Variants in DAAM2 observed in about 807,000 individuals in gnomAD.
DAAM2 encodes disheveled-associated activator of morphogenesis 2.
In DAAM2, 39 loss-of-function variants were observed where a neutral mutation model predicts 120.7. The ratio of observed to expected loss-of-function variants is 0.32; its 90% confidence interval spans 0.25 to 0.42. The LOEUF (loss-of-function observed/expected upper bound fraction) is 0.42, where lower values mean the gene tolerates loss of function less well. Ranked by LOEUF, DAAM2 falls within the 10% of genes least tolerant of loss-of-function variation. The pLI, the probability that DAAM2 is intolerant of heterozygous loss-of-function variation, is 1.00. For missense variants in DAAM2, 1,283 were observed against 1,401.7 expected, an observed-to-expected ratio of 0.92 and a Z score of 1.35; for synonymous variants, 488 against 524.9, an observed-to-expected ratio of 0.93 and a Z score of 0.96.
intron 1 of DAAM2, among the ~76,000 whole-genome samples, chr6:39,838,058 T>C (rs1319297185): frequency 6.6e-6 from 1 of 152,140 alleles, no homozygotes; most frequent in East Asian, 1.9e-4. Flanking sequence ...ATGCTTCTGG[T>C]AGGGATTTGC....
At chr6:39,847,410 G>A (rs899779762) in intron 1 of DAAM2, among the ~76,000 whole-genome samples, 1 of 152,184 alleles carries the variant, frequency 6.6e-6, no homozygotes, top group African/African-American at 2.4e-5. Context: ...GTGTGAGCCG[G>A]AGGAGGGGCT....
rs1186929043 is a variant in DAAM2, at chr6:39,809,760, G to C, written c.-57+17295G>C. ...TTCCATGGTATACCCCACAGAACGA[G>C]TGTTTTGAGGTTTGTATCAGAATTT... On this transcript the variant is annotated intron_variant, in intron 1 of 24. Transcript: ENST00000274867. Among the ~76,000 whole-genome samples, 3 of 152,204 alleles carry C rather than the reference G, an allele frequency of 2.0e-5. No homozygotes were observed. In the East Asian group the frequency reaches 5.8e-4, roughly 29 times the overall value.
At chr6:39,874,486 G>A (rs1764789924) in intron 10 of DAAM2, among the ~76,000 whole-genome samples, 1 of 152,164 alleles carries the variant, frequency 6.6e-6, no homozygotes, top group Admixed American at 6.5e-5. Context: ...TGCTCCCAGG[G>A]ATTCCTGTGT....
intron 2 of DAAM2, among the ~76,000 whole-genome samples, chr6:39,858,740 C>T (rs1764102268): frequency 6.6e-6 from 1 of 152,060 alleles, no homozygotes; most frequent in Admixed American, 6.6e-5. Context: ...CAGTGGGGCC[C>T]TAGGGTCTGG....
At chr6:39,799,896 A>G (rs750495901) in intron 1 of DAAM2, among the ~76,000 whole-genome samples, 6 of 152,182 alleles carry the variant, frequency 3.9e-5, no homozygotes, top group Non-Finnish European at 8.8e-5. Context: ...ACAAATACCT[A>G]CTGGTGTGTA....
In DAAM2 at chr6:39,900,139, C is replaced by T. The variant is rs199848168; in HGVS notation, c.2742C>T (p.Ser914=). The change falls in exon 23 of 25, where the codon AGC becomes AGT. Residue 914 remains serine, a synonymous_variant. Coordinates refer to ENST00000274867, the MANE Select transcript of DAAM2 (RefSeq NM_001201427.2). ...EPSDKFVPVM[S]DFITVSSFSF... is the part of the protein sequence containing the mutation. ...GTGACAAGTTTGTCCCTGTCATGAG[C>T]GACTTCATCACGGTGTCCAGCTTCA... 1.5e-4 allele frequency: 247 copies of T among 1,603,130 alleles called. 2 individuals are homozygous for T. In the South Asian group the frequency reaches 2.2e-3, roughly 14 times the overall value.
rs921773375 is a variant in DAAM2 at position 39,871,632 on chromosome 6, C to T, written c.1044+60C>T. ...GGTAGTAGGGTTCTTGGTGGCCCCA[C>T]AGCCACTTTTCTAGACCCCGTGTTG... On this transcript the variant is annotated intron_variant, in intron 9 of 24. Coordinates refer to ENST00000274867, the MANE Select transcript of DAAM2 (RefSeq NM_001201427.2). 6.1e-6 allele frequency: 9 copies of T among 1,472,410 alleles called. No individual in the cohort carries two copies. The African/African-American group carries it at 9.8e-5, about 16-fold the overall frequency. 91.2% of individuals were successfully genotyped at this position (1,472,410 alleles called of 1,614,324 possible).
At chr6:39,900,719 G>A (rs1458387592) in intron 23 of DAAM2, among the ~76,000 whole-genome samples, 2 of 145,616 alleles carry the variant, frequency 1.4e-5, no homozygotes, top group Admixed American at 6.9e-5. Flanking sequence ...AACAGGAGGT[G>A]AATCTGCTGC....
At chr6:39,807,973 T>C (rs777815544) in intron 1 of DAAM2, among the ~76,000 whole-genome samples, 1 of 152,166 alleles carries the variant, frequency 6.6e-6, no homozygotes. Flanking sequence ...TCCTATTGGC[T>C]GTAGGTCCAT....
At chr6:39,880,814 G>T (rs1415652571) in intron 14 of DAAM2, among the ~76,000 whole-genome samples, 1 of 152,182 alleles carries the variant, frequency 6.6e-6, no homozygotes, top group Non-Finnish European at 1.5e-5. Context: ...CCACCTGTTA[G>T]CAGCATTCAA....
chr6:39,867,465 A>T (rs1764477091), intron 5 of DAAM2, 45 bp from the exon 6 acceptor site: 1 of 1,585,538 alleles, frequency 6.3e-7, no homozygotes, highest in Non-Finnish European at 8.6e-7. Context: ...AAGTGTACAC[A>T]GAATCATATG....
chr6:39,846,078 GA>G (rs1454534142), intron 1 of DAAM2, among the ~76,000 whole-genome samples: 1 of 152,096 alleles, frequency 6.6e-6, no homozygotes, highest in Admixed American at 6.5e-5. Context: ...AGGCGTTTTA[GA>G]AAAAGGTGCT....
intron 1 of DAAM2, among the ~76,000 whole-genome samples, chr6:39,817,101 G>A (rs796299132): frequency 2.0e-4 from 30 of 152,298 alleles, no homozygotes; most frequent in African/African-American, 6.7e-4. Context: ...CACCTTTGAT[G>A]CACTTACACA....
chr6:39,890,121 C>A (rs1765615449), intron 17 of DAAM2, among the ~76,000 whole-genome samples: 1 of 120,942 alleles, frequency 8.3e-6, no homozygotes, highest in South Asian at 3.0e-4. Flanking sequence ...GAGTGAGACT[C>A]CATCAAAAAA....
intron 1 of DAAM2, chr6:39,823,228 G>T (rs962814640): frequency 1.3e-5 from 2 of 152,166 alleles, no homozygotes; most frequent in African/African-American, 4.8e-5. Flanking sequence ...ATTAAGAAAG[G>T]CTACATCGAC....
intron 4 of DAAM2, 135 bp downstream of exon 4, chr6:39,864,642 G>T (rs1330047100): frequency 4.3e-6 from 3 of 699,168 alleles, no homozygotes; most frequent in Non-Finnish European, 7.1e-6. Flanking sequence ...ACTCACTGGA[G>T]TTCAGCAGCT....
chr6:39,872,779 C>A (rs1166030961), intron 9 of DAAM2, among the ~76,000 whole-genome samples: 3 of 152,056 alleles, frequency 2.0e-5, no homozygotes, highest in Non-Finnish European at 2.9e-5. Flanking sequence ...GGTGGTGGAC[C>A]TGCGCCACAT....
At chr6:39,892,871 A>G (rs1765819016) in intron 19 of DAAM2, among the ~76,000 whole-genome samples, 1 of 152,130 alleles carries the variant, frequency 6.6e-6, no homozygotes, top group Non-Finnish European at 1.5e-5. Context: ...TCCCCCTCAC[A>G]CTACACACAC....
chr6:39,804,626 G>A (rs1253341347), intron 1 of DAAM2, among the ~76,000 whole-genome samples: 1 of 152,072 alleles, frequency 6.6e-6, no homozygotes, highest in African/African-American at 2.4e-5. Flanking sequence ...AACAAAAGAT[G>A]TGGTATCATG....
Sources: allele counts gnomAD v4.1 joint callset (sites outside exome capture counted in the v4.1 genomes callset), GRCh38; gene constraint gnomAD v4.1.1; transcripts MANE v1.5; gene names NCBI Gene and HGNC (gene_info 2026-07-23, HGNC 2026-07-21).